Variants in RNF212 observed in about 807,000 individuals in gnomAD.
RNF212 encodes the protein probable E3 SUMO-protein ligase RNF212.
A neutral mutation model predicts 34.7 loss-of-function variants in RNF212; 33 were observed. The observed-to-expected ratio is 0.95, with a 90% confidence interval of 0.72 to 1.27. The LOEUF (loss-of-function observed/expected upper bound fraction) is 1.27, where lower values mean the gene tolerates loss of function less well. Ranked by LOEUF, RNF212 falls within the 50% of genes most tolerant of loss-of-function variation. The pLI is 0.00. For synonymous variants in RNF212, 140 were observed against 136.1 expected (o/e 1.03, Z -0.20); for missense variants, 377 against 362.2 (o/e 1.04, Z -0.33).
At chr4:1,085,496 T>C (rs1721018297) in intron 5 of RNF212, among the ~76,000 whole-genome samples, 1 of 152,198 alleles carries the variant, frequency 6.6e-6, no homozygotes, top group Non-Finnish European at 1.5e-5. Context: ...TATGTACCTT[T>C]CGCAAACGGC....
At chr4:1,098,503 G>C (rs1468637539) in intron 2 of RNF212, among the ~76,000 whole-genome samples, 1 of 152,198 alleles carries the variant, frequency 6.6e-6, no homozygotes, top group African/African-American at 2.4e-5. Context: ...CTGTAACAGG[G>C]GGACTGAGAC....
intron 4 of RNF212, among the ~76,000 whole-genome samples, 191 bp downstream of exon 4, chr4:1,090,591 C>A (rs1410801401): frequency 3.3e-5 from 5 of 152,288 alleles, no homozygotes; most frequent in Admixed American, 6.5e-5. Flanking sequence ...TTGGTAACTA[C>A]AGACAAGGGT....
At chr4:1,083,432 C>T (rs1720670100) in intron 5 of RNF212, among the ~76,000 whole-genome samples, 1 of 152,114 alleles carries the variant, frequency 6.6e-6, no homozygotes, top group African/African-American at 2.4e-5. Flanking sequence ...CACCTGAGGT[C>T]AGGAGTTCGA....
intron 3 of RNF212, among the ~76,000 whole-genome samples, chr4:1,094,974 C>G (rs1237219865): frequency 6.6e-6 from 1 of 152,184 alleles, no homozygotes; most frequent in Admixed American, 6.5e-5. Flanking sequence ...AAAATTCAAC[C>G]CACAGAAATA....
chr4:1,099,618 A>G (rs1027772463), intron 2 of RNF212: 20 of 416,342 alleles, frequency 4.8e-5, no homozygotes, highest in Non-Finnish European at 9.1e-5. Flanking sequence ...ATCCCCAGGA[A>G]AATCACAAAC....
intron 6 of RNF212, 28 bp from the exon 7 acceptor site, chr4:1,081,495 C>T (rs375431000): frequency 2.9e-4 from 470 of 1,612,170 alleles, no homozygotes; most frequent in Admixed American, 1.4e-3. Context: ...AAAATGCCAG[C>T]GTCAGTGCAC....
At chr4:1,070,454 G>C (rs1718391497), downstream of RNF212, among the ~76,000 whole-genome samples, 1 of 141,070 alleles carries the variant, frequency 7.1e-6, no homozygotes, top group Non-Finnish European at 1.6e-5. Context: ...TGAGTTACGG[G>C]TGGTTTCGTA....
chr4:1,088,919 G>C (rs688785), intron 4 of RNF212, among the ~76,000 whole-genome samples: 123,757 of 152,260 alleles, frequency 0.81, 51,039 homozygotes, highest in African/African-American at 0.95. Flanking sequence ...ACCTAGATTT[G>C]AGAAGATGTA....
intron 8 of RNF212, among the ~76,000 whole-genome samples, chr4:1,078,379 C>T (rs544350678): frequency 1.8e-4 from 27 of 152,282 alleles, no homozygotes; most frequent in African/African-American, 5.8e-4. Context: ...CTCCCGTTTC[C>T]GAGCTGCCTG....
chr4:1,093,207 G>C, intron 3 of RNF212: 1 of 293,320 alleles, frequency 3.4e-6, no homozygotes, highest in Non-Finnish European at 6.1e-6. Flanking sequence ...TTTTGGTCTT[G>C]GGCCAGTTTT....
chr4:1,113,581 C>T (rs1371916943), upstream of RNF212: 10 of 737,466 alleles, frequency 1.4e-5, no homozygotes, highest in Admixed American at 7.7e-5. Context: ...GCAAAGTCGA[C>T]GGCAGCCCTG....
At chr4:1,090,505 G>T (rs980824764) in intron 4 of RNF212, among the ~76,000 whole-genome samples, 1 of 152,224 alleles carries the variant, frequency 6.6e-6, no homozygotes, top group African/African-American at 2.4e-5. Context: ...CAAGGCCCCA[G>T]TGTTGCCCCA....
intron 4 of RNF212, 92 bp downstream of exon 4, chr4:1,090,690 T>A (rs1722049946): frequency 1.8e-5 from 14 of 770,012 alleles, no homozygotes; most frequent in Non-Finnish European, 1.4e-5. Context: ...CTAGCAGCCA[T>A]CCCCTTTGAG....
At chr4:1,084,916 C>T (rs769945088) in intron 5 of RNF212, among the ~76,000 whole-genome samples, 1 of 152,192 alleles carries the variant, frequency 6.6e-6, no homozygotes, top group Non-Finnish European at 1.5e-5. Context: ...CAATCAGAAC[C>T]TCGTGTCAGG....
intron 4 of RNF212, among the ~76,000 whole-genome samples, chr4:1,090,131 A>G (rs548824101): frequency 2.8e-5 from 4 of 143,172 alleles, no homozygotes; most frequent in African/African-American, 1.0e-4. Context: ...CAGGACAGGG[A>G]TGGGGTACCA....
At chr4:1,111,040 C>T (rs1404710730) in intron 1 of RNF212, among the ~76,000 whole-genome samples, 1 of 152,156 alleles carries the variant, frequency 6.6e-6, no homozygotes, top group Non-Finnish European at 1.5e-5. Flanking sequence ...CCCAGCACCA[C>T]GAAGGCACAC....
intron 8 of RNF212, among the ~76,000 whole-genome samples, chr4:1,076,157 T>G (rs1052316902): frequency 6.6e-6 from 1 of 152,226 alleles, no homozygotes. Context: ...TCCATCTGCA[T>G]GTGAAGGCAG....
At chr4:1,075,452 C>T (rs369692308) in intron 8 of RNF212, among the ~76,000 whole-genome samples, 3 of 152,122 alleles carry the variant, frequency 2.0e-5, no homozygotes, top group Non-Finnish European at 4.4e-5. Flanking sequence ...CGTTGCAGGG[C>T]GAGCAGGCAA....
chr4:1,078,455 G>A (rs982896064), intron 8 of RNF212, among the ~76,000 whole-genome samples: 8 of 152,152 alleles, frequency 5.3e-5, no homozygotes, highest in East Asian at 1.9e-4. Flanking sequence ...CGGGAGAGCC[G>A]GGCCTGGACT....
Sources: gnomAD v4.1 joint callset for allele counts (sites outside exome capture counted in the v4.1 genomes callset) on GRCh38, gnomAD v4.1.1 for gene constraint, MANE v1.5 for transcripts, NCBI Gene and HGNC (gene_info 2026-07-23, HGNC 2026-07-21) for gene names.